The following CLSPN variants were observed in gnomAD, a reference collection of about 807,000 sequenced individuals.
The protein encoded by CLSPN is claspin.
Under a neutral mutation model 156.3 loss-of-function variants are expected in CLSPN, and 85 were observed. The ratio of observed to expected loss-of-function variants is 0.54; its 90% CI spans 0.46 to 0.65. The LOEUF is 0.65. Among genes scored for constraint, CLSPN ranks in the 30% least tolerant of loss-of-function variants. The probability of loss-of-function intolerance (pLI) is 0.00; values close to 1 mark genes in which losing one functional copy is unlikely to be tolerated. For missense variants in CLSPN, 1,407 were observed against 1,554.9 expected, an observed-to-expected ratio of 0.90 and a Z score of 1.60; for synonymous variants, 534 against 542.4, an observed-to-expected ratio of 0.98 and a Z score of 0.22.
intron 8 of CLSPN, 111 bp from the exon 9 acceptor site, chr1:35,754,047 T>C (rs969768049): frequency 2.1e-6 from 2 of 941,330 alleles, no homozygotes; most frequent in Admixed American, 2.9e-5. Flanking sequence ...AAACCACACA[T>C]ACACAGAGAA....
At position 35,747,984 on chromosome 1, in the gene CLSPN, C is replaced by T; in HGVS notation, c.2550G>A (p.Lys850=). ...AGTCTCCTGCTCCTAGGAAAAGTGT[C>T]TTAGGCTCTGGGGAGGCGTTATACA... ...QDLYNASPEP[K]TLFLGAGDFQ... is the part of the protein sequence containing the mutation. The change falls in exon 14 of 25, where the codon AAG becomes AAA. Residue 850 remains lysine, a synonymous_variant. Coordinates refer to ENST00000318121, the MANE Select transcript of CLSPN (RefSeq NM_022111.4). The T allele has an allele frequency of 2.5e-6, 4 of 1,614,218 alleles. No individual in the cohort carries two copies. The highest frequency in any genetic ancestry group is 2.5e-6 in the Non-Finnish European group (3 of 1,180,038).
At chr1:35,722,422 G>GT in intron 24 of CLSPN, among the ~76,000 whole-genome samples, 1 of 151,810 alleles carries the variant, frequency 6.6e-6, no homozygotes, top group South Asian at 2.1e-4. Flanking sequence ...GTGAATGTTT[G>GT]TATTTTTAGT....
At position 35,733,436 on chromosome 1, in the gene CLSPN, G is replaced by A. The variant is rs987330399; in HGVS notation, c.*3060C>T. 63 of 981,636 alleles carry A rather than the reference G, an allele frequency of 6.4e-5. No homozygotes were observed. The highest frequency in any genetic ancestry group is 7.1e-5 in the Non-Finnish European group (59 of 828,312). 60.8% of individuals were successfully genotyped at this position (981,636 alleles called of 1,614,324 possible). A position where few individuals can be genotyped will look rare whatever the true frequency, so the allele number is the denominator to read the frequency against. On this transcript the variant is annotated 3_prime_UTR_variant, in exon 25 of 25. Transcript: ENST00000318121. ...TCCTAAAGTGCTGGCGTGAGCCACCGGACCTGGCTGAATTTTCTTATCCTC... is the reference window on the plus strand; with the variant it reads ...TCCTAAAGTGCTGGCGTGAGCCACCAGACCTGGCTGAATTTTCTTATCCTC...
Position 35,736,984 on chromosome 1 carries a change from G to A in CLSPN, c.3839C>T (p.Ser1280Leu), listed in dbSNP as rs35490896. 0.06 allele frequency: 96,787 copies of A among 1,613,982 alleles called. 3,175 individuals are homozygous for A. The highest frequency in any genetic ancestry group is 0.086 in the African/African-American group (6,436 of 74,986). ...AAGTGTATGAAAGACAAAGTTTCTT[G>A]AATTTCGAGGAGCACTGGGGTTATG... is the stretch of plus-strand genomic sequence containing the variant. ...SDHNPSAPRN[S>L]RNFVFHTLSP... is the part of the protein sequence containing the mutation. The change falls in exon 24 of 25, where the codon TCA becomes TTA. Residue 1280 changes from serine to leucine, a missense_variant. Ser to Leu is a moderately radical substitution (Grantham distance 145). Around this residue, in one of 3 missense-constraint regions of CLSPN, gnomAD observed 241 missense variants for 240.5 expected, o/e 1.00. Transcript: ENST00000318121.
downstream of CLSPN, among the ~76,000 whole-genome samples, chr1:35,731,732 G>T (rs561514913): frequency 1.3e-5 from 2 of 152,304 alleles, no homozygotes; most frequent in Admixed American, 1.3e-4. Context: ...CTGATTACAG[G>T]ATTAAAGAAC....
At position 35,736,346 on chromosome 1, in the gene CLSPN, G is replaced by A. The variant is rs760478426; in HGVS notation, c.*150C>T. 5.9e-6 allele frequency: 8 copies of A among 1,359,890 alleles called. No individual in the cohort carries two copies. The African/African-American group carries it at 8.9e-5, about 15-fold the overall frequency. 84.2% of individuals were successfully genotyped at this position (1,359,890 alleles called of 1,614,324 possible). On this transcript the variant is annotated 3_prime_UTR_variant, in exon 25 of 25. Transcript: ENST00000318121. The stretch of plus-strand genomic sequence containing the variant: ...TAGGAAAAGAGATGTCCAGAGCTGT[G>A]CAGTAGAAATCACTGGAATTTCTGT...
chr1:35,757,795 T>C (rs550885355), intron 8 of CLSPN, among the ~76,000 whole-genome samples: 1 of 152,328 alleles, frequency 6.6e-6, no homozygotes, highest in East Asian at 1.9e-4. Context: ...CTCTGCCACC[T>C]GAACCTCCAG....
At chr1:35,742,743 CTTT>C (rs563818822) in intron 18 of CLSPN, among the ~76,000 whole-genome samples, 6 of 130,578 alleles carry the variant, frequency 4.6e-5, no homozygotes, top group Admixed American at 7.9e-5. Context: ...AAGTGATCAA[CTTT>C]TTTTTTTTTT....
chr1:35,733,320 C>CTT lies in CLSPN; in HGVS notation c.*3174_*3175dup, dbSNP rs1222789867. On this transcript the variant is annotated 3_prime_UTR_variant, in exon 25 of 25. Transcript: ENST00000318121. ...CAGGCACTAATTTTCTTTTTTTTTT[C>CTT]TTTTTTTTTTTTTTTTTAGAGTTGG... The CTT allele has an allele frequency of 0.013, 1,729 of 135,960 alleles. 23 individuals carry two copies. The highest frequency in any genetic ancestry group is 0.019 in the Non-Finnish European group (1,319 of 69,988). 8.4% of individuals were successfully genotyped at this position (135,960 alleles called of 1,614,324 possible). A position where few individuals can be genotyped will look rare whatever the true frequency, so the allele number is the denominator to read the frequency against.
At position 35,763,330 on chromosome 1, in the gene CLSPN, T is replaced by A. The variant is rs1388859792; in HGVS notation, c.583-9A>T. On this transcript the variant is annotated splice_polypyrimidine_tract_variant and intron_variant, in intron 3 of 24. Transcript: ENST00000318121. ...TGTTCTACATCATCTTCCTAAGTAATACATAAACAAAAAGCATAATCCAAT... is the reference window on the plus strand; with the variant it reads ...TGTTCTACATCATCTTCCTAAGTAAAACATAAACAAAAAGCATAATCCAAT... The A allele has an allele frequency of 1.3e-5, 21 of 1,558,296 alleles. No individual in the cohort carries two copies. The highest frequency in any genetic ancestry group is 2.3e-5 in the East Asian group (1 of 42,748).
rs397737620 is a variant in CLSPN at position 35,768,592 on chromosome 1, T to TGTA, written c.24+1252_24+1254dup. On this transcript the variant is annotated intron_variant, in intron 1 of 24. Transcript: ENST00000318121. ...GACGCCCGGCTAATTTTTTTTTTTT[T>TGTA]GTAGAGGCGGGGTTTTGCCATGTTT... Among the ~76,000 whole-genome samples the TGTA allele has an allele frequency of 5.3e-3, 809 of 151,702 alleles. 7 individuals carry two copies. Among genetic ancestry groups the TGTA allele is most frequent in the South Asian group, 0.03 (144 of 4,814 alleles).
At position 35,733,287 on chromosome 1, in the gene CLSPN, G is replaced by T; in HGVS notation, c.*3209C>A. 1 of 210,936 alleles carries T rather than the reference G, an allele frequency of 4.7e-6. No individual in the cohort carries two copies. Among genetic ancestry groups the T allele is most frequent in the Non-Finnish European group, 8.1e-6 (1 of 123,150 alleles). The allele number at this position is 210,936 out of a possible 1,614,324, so 13.1% of individuals were successfully genotyped here. On this transcript the variant is annotated 3_prime_UTR_variant, in exon 25 of 25. Coordinates refer to ENST00000318121, the MANE Select transcript of CLSPN (RefSeq NM_022111.4). ...CCAGCCCAGAAACCATTTTCTCCCT[G>T]GATTTCTCAGGCACTAATTTTCTTT...
At position 35,762,023 on chromosome 1, in the gene CLSPN, A is replaced by G. The variant is rs746957975; in HGVS notation, c.870T>C (p.His290=). The G allele has an allele frequency of 1.5e-5, 25 of 1,613,554 alleles. No individual in the cohort carries two copies. The highest frequency in any genetic ancestry group is 1.9e-5 in the Non-Finnish European group (22 of 1,179,654). ...CTCGAATAAGGCGCTGAGTCTCACTATGCAGTTGTTTTAATGCTTCTTTAC... is the reference window on the plus strand; with the variant it reads ...CTCGAATAAGGCGCTGAGTCTCACTGTGCAGTTGTTTTAATGCTTCTTTAC... ...RLSKEALKQL[H]SETQRLIRES... Residue 290 remains histidine, a synonymous_variant, in exon 6 of 25, where the codon CAT becomes CAC. Coordinates refer to ENST00000318121, the MANE Select transcript of CLSPN (RefSeq NM_022111.4).
At chr1:35,766,073 C>T (rs1411980237) in intron 1 of CLSPN, among the ~76,000 whole-genome samples, 1 of 147,872 alleles carries the variant, frequency 6.8e-6, no homozygotes, top group Admixed American at 6.9e-5. Context: ...CGGCTCACTG[C>T]AACCTCTGCC....
Position 35,734,687 on chromosome 1 carries a change from A to AAG in CLSPN, c.*1808_*1809insCT, listed in dbSNP as rs1557497158. 4.4e-6 allele frequency: 4 copies of AAG among 914,050 alleles called. No homozygotes were observed. Among genetic ancestry groups the AAG allele is most frequent in the Admixed American group, 6.2e-5 (1 of 16,060 alleles). 56.6% of individuals were successfully genotyped at this position (914,050 alleles called of 1,614,324 possible). A position where few individuals can be genotyped will look rare whatever the true frequency, so the allele number is the denominator to read the frequency against. ...AGCCAGCCTATGTCTCAAAAAAAAA[A>AAG]AAAGAAAAGAAAAGAAAAGAAAAAG... is the stretch of plus-strand genomic sequence containing the variant. On this transcript the variant is annotated 3_prime_UTR_variant, in exon 25 of 25. Transcript: ENST00000318121.
Position 35,763,317 on chromosome 1 carries a change from T to A in CLSPN, c.587A>T (p.Asp196Val). 1 of 1,581,726 alleles carries A rather than the reference T, an allele frequency of 6.3e-7. No homozygotes were observed. The highest frequency in any genetic ancestry group is 8.5e-7 in the Non-Finnish European group (1 of 1,170,666). Residue 196 changes from aspartate (D) to valine (V), a missense_variant, in exon 4 of 25, where the codon GAT becomes GTT. By Grantham distance (152) the Asp-to-Val change is radical. Coordinates refer to ENST00000318121, the MANE Select transcript of CLSPN (RefSeq NM_022111.4). ...LKKKETKNQEDDVEQPFNDSG... is the reference protein window; with the variant it reads ...LKKKETKNQEVDVEQPFNDSG... ...GTCATTAAATGGCTGTTCTACATCATCTTCCTAAGTAATACATAAACAAAA... is the reference window on the plus strand; with the variant it reads ...GTCATTAAATGGCTGTTCTACATCAACTTCCTAAGTAATACATAAACAAAA...
At chr1:35,724,742 G>C (rs1203145981) in intron 24 of CLSPN, among the ~76,000 whole-genome samples, 4 of 152,156 alleles carry the variant, frequency 2.6e-5, no homozygotes, top group African/African-American at 9.7e-5. Flanking sequence ...AACCCCAGAG[G>C]ACCTTTGACA....
rs948956324 is a variant in CLSPN, at chr1:35,738,476, T to G, written c.3537A>C (p.Arg1179=). ...CTACCATGTCCCGAAGCCACTGCTC[T>G]CGTTCAATTCGCTCCTTCCTCCACC... is the stretch of plus-strand genomic sequence containing the variant. ...EARWRKERIE[R]EQWLRDMAQQ... Residue 1179 remains arginine (R), a synonymous_variant, in exon 21 of 25, where the codon CGA becomes CGC. Coordinates refer to ENST00000318121, the MANE Select transcript of CLSPN (RefSeq NM_022111.4). The G allele has an allele frequency of 1.9e-6, 3 of 1,613,852 alleles. No individual in the cohort carries two copies. In the African/African-American group the frequency reaches 4.0e-5, roughly 22 times the overall value.
intron 8 of CLSPN, 94 bp downstream of exon 8, chr1:35,760,248 T>C (rs919857446): frequency 3.2e-6 from 3 of 951,844 alleles, no homozygotes; most frequent in Non-Finnish European, 4.7e-6. Flanking sequence ...TGGTTATTGG[T>C]TCCTCCTGTG....
Sources: gnomAD v4.1 joint callset for allele counts (sites outside exome capture counted in the v4.1 genomes callset) on GRCh38, gnomAD v4.1.1 for gene constraint, gnomAD v4.1.1 regional missense constraint, MANE v1.5 for transcripts, NCBI Gene and HGNC (gene_info 2026-07-23, HGNC 2026-07-21) for gene names.